Variants in ZNF532 observed in about 807,000 individuals in gnomAD.
The protein encoded by ZNF532 is zinc finger protein 532.
In ZNF532, 22 loss-of-function variants were observed where a neutral mutation model predicts 89.3. That is an observed-to-expected ratio of 0.25 (90% CI 0.18 to 0.35). ZNF532 has a LOEUF of 0.35. Ranked by LOEUF, ZNF532 falls within the 10% of genes least tolerant of loss-of-function variation. The pLI, the probability that ZNF532 is intolerant of heterozygous loss-of-function variation, is 1.00. For missense variants in ZNF532, 1,132 were observed against 1,643.4 expected (o/e 0.69, Z 5.38); for synonymous variants, 606 against 649.6 (o/e 0.93, Z 1.02).
chr18:58,941,893 CTT>C (rs780402627), intron 5 of ZNF532, among the ~76,000 whole-genome samples: 2 of 147,312 alleles, frequency 1.4e-5, no homozygotes, highest in East Asian at 4.0e-4. Context: ...TTCTTCCTTC[CTT>C]TTCCTTCCTT....
intron 4 of ZNF532, among the ~76,000 whole-genome samples, chr18:58,936,788 A>G (rs562927276): frequency 6.6e-6 from 1 of 152,340 alleles, no homozygotes; most frequent in East Asian, 1.9e-4. Flanking sequence ...GCTGCTTCAT[A>G]TGAGGGTCCA....
intron 2 of ZNF532, among the ~76,000 whole-genome samples, chr18:58,879,077 G>C (rs1426993681): frequency 1.3e-5 from 2 of 152,232 alleles, no homozygotes; most frequent in East Asian, 3.8e-4. Context: ...AGGGCAGGTT[G>C]TTCTTGTTCT....
At chr18:58,958,080 A>G (rs1294479985) in intron 7 of ZNF532, among the ~76,000 whole-genome samples, 1 of 151,922 alleles carries the variant, frequency 6.6e-6, no homozygotes, top group Non-Finnish European at 1.5e-5. Flanking sequence ...AAAAAAAAAA[A>G]AAATACAAAA....
At chr18:58,941,964 C>CCCTCCT (rs1555739564) in intron 5 of ZNF532, among the ~76,000 whole-genome samples, 5 of 124,230 alleles carry the variant, frequency 4.0e-5, no homozygotes, top group Non-Finnish European at 7.1e-5. Flanking sequence ...CCCTCCCTCT[C>CCCTCCT]TCCCTCCCTC....
chr18:58,935,115 CCTCCTCCTCCCCA>C, intron 4 of ZNF532, among the ~76,000 whole-genome samples: 1 of 117,006 alleles, frequency 8.5e-6, no homozygotes, highest in Admixed American at 8.6e-5. Context: ...CCTCCCCACT[CCTCCTCCTCCCCA>C]CTCCTCCTCC....
intron 2 of ZNF532, among the ~76,000 whole-genome samples, chr18:58,868,119 C>T (rs1036176447): frequency 6.6e-6 from 1 of 152,184 alleles, no homozygotes; most frequent in African/African-American, 2.4e-5. Flanking sequence ...TTACCGTATC[C>T]TTGGTAGAAC....
intron 2 of ZNF532, among the ~76,000 whole-genome samples, chr18:58,872,402 A>G (rs1302047078): frequency 6.6e-6 from 1 of 152,180 alleles, no homozygotes; most frequent in Non-Finnish European, 1.5e-5. Flanking sequence ...AGTAATGGGT[A>G]TTGATTTTAT....
In ZNF532 at chr18:58,918,563, G is replaced by A. The variant is rs1467283576; in HGVS notation, c.276G>A (p.Gly92=). 9 of 1,614,054 alleles carry A rather than the reference G, an allele frequency of 5.6e-6. No individual in the cohort carries two copies. In the African/African-American group the frequency reaches 6.7e-5, roughly 12 times the overall value. The part of the protein sequence containing the change: ...HNPTGNGLHN[G]FLTASSLDSY... ...CCACTGGCAATGGCTTACATAATGG[G>A]TTTCTCACAGCATCCTCCCTTGACA... is the stretch of plus-strand genomic sequence containing the variant. The change falls in exon 3 of 10, where the codon GGG becomes GGA. Residue 92 remains glycine, a synonymous_variant. Transcript: ENST00000591808.
intron 2 of ZNF532, among the ~76,000 whole-genome samples, chr18:58,913,347 G>A (rs2060398399): frequency 6.6e-6 from 1 of 152,124 alleles, no homozygotes; most frequent in Non-Finnish European, 1.5e-5. Context: ...CTAAGAGGAG[G>A]AAATTAAATT....
Position 58,919,250 on chromosome 18 carries a change from C to T in ZNF532, c.963C>T (p.Ile321=), listed in dbSNP as rs149812809. ...ADKSPESQNL[I]DGTKKPSLKQ... is the part of the protein sequence containing the mutation. ...AGTCTCCTGAATCCCAGAATCTCAT[C>T]GACGGGACCAAAAAACCATCCCTGA... Residue 321 remains isoleucine, a synonymous_variant, in exon 3 of 10, where the codon ATC becomes ATT. Transcript: ENST00000591808. This position sits in a 1 kb window ranked among gnomAD's most constrained non-coding sequence, Gnocchi z 6.1. The T allele has an allele frequency of 5.0e-6, 8 of 1,613,934 alleles. No homozygotes were observed. Among genetic ancestry groups the T allele is most frequent in the East Asian group, 2.2e-5 (1 of 44,896 alleles).
chr18:58,913,778 A>T (rs954848744), intron 2 of ZNF532, among the ~76,000 whole-genome samples: 2 of 152,216 alleles, frequency 1.3e-5, no homozygotes, highest in African/African-American at 2.4e-5. Flanking sequence ...CAAGATGGTC[A>T]GTAGACTTTG....
At chr18:58,912,904 C>G (rs1376023666) in intron 2 of ZNF532, among the ~76,000 whole-genome samples, 1 of 152,046 alleles carries the variant, frequency 6.6e-6, no homozygotes, top group African/African-American at 2.4e-5. Flanking sequence ...GGCAGCTGCT[C>G]CAGAGGCGCG....
intron 8 of ZNF532, 171 bp downstream of exon 8, chr18:58,979,338 T>G: frequency 2.5e-6 from 1 of 396,860 alleles, no homozygotes. Flanking sequence ...CACACTTAAA[T>G]ATGAAAATAA....
At position 58,949,721 on chromosome 18, in the gene ZNF532, C is replaced by T. The variant is rs143032127; in HGVS notation, c.2868+1492C>T. On this transcript the variant is annotated intron_variant, in intron 6 of 9. Transcript: ENST00000591808. ...TTACACAAAAAAGGTCAGTTTAAAG[C>T]GCAAAGTCCCTGAATTATTCTAGTC... Among the ~76,000 whole-genome samples the T allele has an allele frequency of 4.1e-3, 623 of 152,270 alleles. 3 individuals are homozygous for T. Among genetic ancestry groups the T allele is most frequent in the African/African-American group, 0.013 (556 of 41,556 alleles).
chr18:58,880,760 G>A (rs767304447), intron 2 of ZNF532, among the ~76,000 whole-genome samples: 6 of 141,588 alleles, frequency 4.2e-5, no homozygotes, highest in Non-Finnish European at 7.6e-5. Flanking sequence ...AGGCGCGCGC[G>A]CACGCGCGCG....
rs116160065 is a variant in ZNF532 at position 58,923,163 on chromosome 18, G to A, written c.2346+2530G>A. On this transcript the variant is annotated intron_variant, in intron 3 of 9. Coordinates refer to ENST00000591808, the MANE Select transcript of ZNF532 (RefSeq NM_001375912.1). ...TCACCTCCTGATCTGTTTCCGTTTT[G>A]CAGCCATCCACTCACCTATGTAGGC... 6.0e-3 allele frequency among the ~76,000 whole-genome samples: 913 copies of A among 152,076 alleles called. 8 individuals carry two copies. The highest frequency in any genetic ancestry group is 0.016 in the African/African-American group (664 of 41,460).
At position 58,895,182 on chromosome 18, in the gene ZNF532, G is replaced by A. The variant is rs1455803398; in HGVS notation, c.-17-23089G>A. Among the ~76,000 whole-genome samples, 3 of 152,214 alleles carry A rather than the reference G, an allele frequency of 2.0e-5. No homozygotes were observed. In the East Asian group the frequency reaches 5.8e-4, roughly 29 times the overall value. ...ATTTTCTGCCAGGGTGCCAGTCACA[G>A]ATGGTATTGGTGGCCCTCCACTGAG... On this transcript the variant is annotated intron_variant, in intron 2 of 9. Transcript: ENST00000591808.
chr18:58,874,797 C>G (rs1034724867), intron 2 of ZNF532, among the ~76,000 whole-genome samples: 1 of 152,156 alleles, frequency 6.6e-6, no homozygotes, highest in African/African-American at 2.4e-5. Flanking sequence ...GCCAGGTTAG[C>G]AAAAGCCTAT....
chr18:58,918,446 AC>A lies in ZNF532; in HGVS notation c.161del (p.Pro54HisfsTer57). 6.2e-7 allele frequency: 1 copy of A among 1,614,184 alleles called. No individual in the cohort carries two copies. Among genetic ancestry groups the A allele is most frequent in the Non-Finnish European group, 8.5e-7 (1 of 1,180,040 alleles). On this transcript the variant is annotated frameshift_variant, in exon 3 of 10. Coordinates refer to ENST00000591808, the MANE Select transcript of ZNF532 (RefSeq NM_001375912.1). LOFTEE classifies it high-confidence loss of function. ...CTCACGGAGAGGATGACTCCCACGC[AC>A]CATCATCTTCTGATGTGGGTGTCAG... is the stretch of plus-strand genomic sequence containing the variant. ...NAHGEDDSHA[P>X]SSSDVGVSVI...
Sources: gnomAD v4.1 joint callset for allele counts (sites outside exome capture counted in the v4.1 genomes callset) on GRCh38, gnomAD v4.1.1 for gene constraint, Gnocchi (gnomAD v3.1) non-coding constraint, MANE v1.5 for transcripts, NCBI Gene and HGNC (gene_info 2026-07-23, HGNC 2026-07-21) for gene names.